The following AGTR1 variants were observed in gnomAD, a reference collection of about 807,000 sequenced individuals.
AGTR1 encodes the protein angiotensin II receptor type 1.
AGTR1 carries 16 observed loss-of-function variants against 19.4 expected under a neutral mutation model. That is an observed-to-expected ratio of 0.82 (90% CI 0.56 to 1.25). The LOEUF (loss-of-function observed/expected upper bound fraction) is 1.25. AGTR1 is among the 50% of genes most tolerant of loss of function. The pLI, the probability that AGTR1 is intolerant of heterozygous loss-of-function variation, is 0.00. For synonymous variants in AGTR1, 153 were observed against 154.9 expected (o/e 0.99, Z 0.09); for missense variants, 373 against 431.9 (o/e 0.86, Z 1.21).
intron 2 of AGTR1, among the ~76,000 whole-genome samples, chr3:148,717,311 T>A (rs1025210497): frequency 6.6e-6 from 1 of 152,064 alleles, no homozygotes; most frequent in Non-Finnish European, 1.5e-5. Flanking sequence ...CAAAAAAAAA[T>A]AGGCTAAATT....
chr3:148,735,731 T>A (rs898213228), intron 2 of AGTR1, among the ~76,000 whole-genome samples: 4 of 152,194 alleles, frequency 2.6e-5, no homozygotes, highest in Admixed American at 2.6e-4. Flanking sequence ...AGTGAATAGC[T>A]AACAGTTATT....
intron 2 of AGTR1, among the ~76,000 whole-genome samples, chr3:148,725,535 A>T (rs752089924): frequency 3.3e-5 from 5 of 152,332 alleles, no homozygotes; most frequent in Non-Finnish European, 7.3e-5. Flanking sequence ...GCTGGAGTGC[A>T]GTGGCGCGAT....
At chr3:148,722,750 C>T (rs921496669) in intron 2 of AGTR1, among the ~76,000 whole-genome samples, 56 of 152,254 alleles carry the variant, frequency 3.7e-4, no homozygotes, top group African/African-American at 1.2e-3. Flanking sequence ...CACCATTTTC[C>T]GTCTCTGTTT....
At chr3:148,713,910 A>G (rs977248479) in intron 2 of AGTR1, among the ~76,000 whole-genome samples, 1 of 152,190 alleles carries the variant, frequency 6.6e-6, no homozygotes, top group Non-Finnish European at 1.5e-5. Flanking sequence ...TCACACAGTT[A>G]TTTAACTGCC....
In AGTR1 at chr3:148,716,636, C is replaced by T. The variant is rs1713318521; in HGVS notation, c.-48+8609C>T. 6.6e-6 allele frequency among the ~76,000 whole-genome samples: 1 copy of T among 152,104 alleles called. No homozygotes were observed. Among genetic ancestry groups the T allele is most frequent in the Non-Finnish European group, 1.5e-5 (1 of 68,032 alleles). ...AAAAAAATAAGCTAGTTCATCACAACTTCCTTCAAATCCTTCTGCCACTGA... is the reference window on the plus strand; with the variant it reads ...AAAAAAATAAGCTAGTTCATCACAATTTCCTTCAAATCCTTCTGCCACTGA... On this transcript the variant is annotated intron_variant, in intron 2 of 2. Coordinates refer to ENST00000349243, the MANE Select transcript of AGTR1 (RefSeq NM_000685.5). This position sits in a 1 kb window ranked among gnomAD's most constrained non-coding sequence, Gnocchi z 4.7.
chr3:148,714,030 CAAAG>C (rs1257312216), intron 2 of AGTR1, among the ~76,000 whole-genome samples: 2 of 151,992 alleles, frequency 1.3e-5, no homozygotes, highest in Non-Finnish European at 2.9e-5. Flanking sequence ...ATAAGAATAT[CAAAG>C]AAATGTCATG....
chr3:148,737,893 T>C (rs1456279502), intron 2 of AGTR1, among the ~76,000 whole-genome samples: 1 of 152,196 alleles, frequency 6.6e-6, no homozygotes, highest in Non-Finnish European at 1.5e-5. Flanking sequence ...GATGATCCCC[T>C]AGCTGTTCAA....
At chr3:148,723,346 T>C (rs1446548776) in intron 2 of AGTR1, among the ~76,000 whole-genome samples, 1 of 152,216 alleles carries the variant, frequency 6.6e-6, no homozygotes, top group Non-Finnish European at 1.5e-5. Context: ...TCAGTATTTA[T>C]TTAAAATATT....
At chr3:148,734,754 A>G (rs1456913518) in intron 2 of AGTR1, among the ~76,000 whole-genome samples, 1 of 152,112 alleles carries the variant, frequency 6.6e-6, no homozygotes, top group Non-Finnish European at 1.5e-5. Context: ...CTCTTGCCCC[A>G]TGGTGCCAGG....
intron 2 of AGTR1, among the ~76,000 whole-genome samples, chr3:148,708,661 G>C (rs938241620): frequency 1.3e-5 from 2 of 152,154 alleles, no homozygotes; most frequent in African/African-American, 2.4e-5. Flanking sequence ...CTGTTGTGGA[G>C]CTCAGCAGGG....
Position 148,741,718 on chromosome 3 carries a change from T to C in AGTR1, c.683T>C (p.Ile228Thr), listed in dbSNP as rs2107975453. 6.2e-7 allele frequency: 1 copy of C among 1,614,046 alleles called. No individual in the cohort carries two copies. Among genetic ancestry groups the C allele is most frequent in the Non-Finnish European group, 8.5e-7 (1 of 1,179,982 alleles). Residue 228 changes from isoleucine to threonine, a missense_variant, in exon 3 of 3, where the codon ATT (isoleucine) becomes ACT (threonine). Physicochemically the swap from Ile to Thr is moderately conservative, Grantham distance 89. Coordinates refer to ENST00000349243, the MANE Select transcript of AGTR1 (RefSeq NM_000685.5). Reference sequence around the variant, plus strand: ...AAGGCCCTAAAGAAGGCTTATGAAATTCAGAAGAACAAACCAAGAAATGAT... The same window carrying C: ...AAGGCCCTAAAGAAGGCTTATGAAACTCAGAAGAACAAACCAAGAAATGAT... ...IWKALKKAYE[I>T]QKNKPRNDDI... is the part of the protein sequence containing the mutation.
In AGTR1 at chr3:148,742,023, C is replaced by T; in HGVS notation, c.988C>T (p.Leu330Phe). ...IPPKAKSHSN[L>F]STKMSTLSYR... ...CCCAAAAGCCAAATCCCACTCAAAC[C>T]TTTCAACAAAAATGAGCACGCTTTC... is the stretch of plus-strand genomic sequence containing the variant. The change falls in exon 3 of 3, where the codon CTT becomes TTT. Residue 330 changes from leucine to phenylalanine, a missense_variant. Transcript: ENST00000349243. 6.2e-7 allele frequency: 1 copy of T among 1,613,794 alleles called. No homozygotes were observed.
intron 2 of AGTR1, among the ~76,000 whole-genome samples, chr3:148,738,147 CGAGTCAAGAG>C (rs1714673860): frequency 6.6e-6 from 1 of 152,028 alleles, no homozygotes; most frequent in South Asian, 2.1e-4. Context: ...CTGTCAAAGT[CGAGTCAAGAG>C]GAGAGAGAAG....
At chr3:148,721,056 G>A (rs1057292789) in intron 2 of AGTR1, among the ~76,000 whole-genome samples, 25 of 152,168 alleles carry the variant, frequency 1.6e-4, no homozygotes, top group African/African-American at 5.1e-4. Flanking sequence ...GTTCTGGGAC[G>A]AGGTGAGTTG....
chr3:148,714,504 G>A lies in AGTR1; in HGVS notation c.-48+6477G>A, dbSNP rs552131899. On this transcript the variant is annotated intron_variant, in intron 2 of 2. Coordinates refer to ENST00000349243, the MANE Select transcript of AGTR1 (RefSeq NM_000685.5). ...CAGGGTCTTCAGAAACCACAGAGAA[G>A]AGTGGATAACAAAAGTGAAATCAAG... 2.0e-5 allele frequency among the ~76,000 whole-genome samples: 3 copies of A among 152,224 alleles called. No homozygotes were observed. In the East Asian group the frequency reaches 5.8e-4, roughly 29 times the overall value.
At chr3:148,701,284 T>C (rs1205735687) in intron 1 of AGTR1, among the ~76,000 whole-genome samples, 1 of 152,188 alleles carries the variant, frequency 6.6e-6, no homozygotes, top group East Asian at 1.9e-4. Flanking sequence ...ACAGAGTATA[T>C]GTTTGGAACA....
chr3:148,706,876 C>T (rs1471486453), intron 1 of AGTR1, among the ~76,000 whole-genome samples: 4 of 151,798 alleles, frequency 2.6e-5, no homozygotes, highest in Non-Finnish European at 2.9e-5. Flanking sequence ...ATAACCTTAA[C>T]GGAGGACATT....
At chr3:148,698,534 T>G (rs1351737111) in intron 1 of AGTR1, among the ~76,000 whole-genome samples, 1 of 152,158 alleles carries the variant, frequency 6.6e-6, no homozygotes, top group Non-Finnish European at 1.5e-5. Flanking sequence ...TTAAAAGTTG[T>G]GCTACTTTTG....
At chr3:148,740,558 G>A (rs1478952519) in intron 2 of AGTR1, among the ~76,000 whole-genome samples, 4 of 152,176 alleles carry the variant, frequency 2.6e-5, no homozygotes, top group Non-Finnish European at 4.4e-5. Flanking sequence ...ATATGAATGT[G>A]TCACACTTCT....
Sources: gnomAD v4.1 joint callset for allele counts (sites outside exome capture counted in the v4.1 genomes callset) on GRCh38, gnomAD v4.1.1 for gene constraint, Gnocchi (gnomAD v3.1) non-coding constraint, MANE v1.5 for transcripts, NCBI Gene and HGNC (gene_info 2026-07-23, HGNC 2026-07-21) for gene names.